Variants in GRIA4 observed in about 807,000 individuals in gnomAD.
The protein encoded by GRIA4 is glutamate ionotropic receptor AMPA type subunit 4, also known as glutamate receptor 4.
GRIA4 carries 34 observed loss-of-function variants against 104.0 expected under a neutral mutation model. That is an observed-to-expected ratio of 0.33 (90% CI 0.25 to 0.44). GRIA4 has a LOEUF of 0.44. Ranked by LOEUF, GRIA4 falls within the 20% of genes least tolerant of loss-of-function variation. The pLI is 1.00. For synonymous variants in GRIA4, 386 were observed against 381.9 expected, an observed-to-expected ratio of 1.01 and a Z score of -0.13; for missense variants, 750 against 1,096.5, an observed-to-expected ratio of 0.68 and a Z score of 4.46.
At chr11:105,939,036 G>A (rs781376694) in intron 14 of GRIA4, among the ~76,000 whole-genome samples, 26 of 151,984 alleles carry the variant, frequency 1.7e-4, no homozygotes, top group Non-Finnish European at 2.5e-4. Flanking sequence ...GGAAACAAAC[G>A]TTGCTTTTTT....
intron 3 of GRIA4, among the ~76,000 whole-genome samples, chr11:105,618,264 A>G (rs1020800959): frequency 2.0e-5 from 3 of 152,066 alleles, no homozygotes; most frequent in Non-Finnish European, 2.9e-5. Context: ...CAATAATGAC[A>G]TTAGCAAACT....
In GRIA4 at chr11:105,933,815, C is replaced by T. The variant is rs1947953964; in HGVS notation, c.2140C>T (p.Arg714Cys). Reference protein sequence around the residue: ...FTRTTAEGVARVRKSKGKFAF... With the variant: ...FTRTTAEGVACVRKSKGKFAF... ...TAGGACTACAGCTGAGGGAGTAGCT[C>T]GTGTCCGCAAATCCAAGGGCAAATT... The change falls in exon 14 of 17, where the codon CGT becomes TGT. Residue 714 changes from arginine to cysteine, a missense_variant. Physicochemically the swap from Arg to Cys is radical, Grantham distance 180. This residue lies in a region of GRIA4 where 272 missense variants were observed against 524.5 expected (regional missense o/e 0.52). Coordinates refer to ENST00000282499, the MANE Select transcript of GRIA4 (RefSeq NM_000829.4). 3 of 1,613,190 alleles carry T rather than the reference C, an allele frequency of 1.9e-6. No homozygotes were observed. Among genetic ancestry groups the T allele is most frequent in the Non-Finnish European group, 2.5e-6 (3 of 1,179,394 alleles).
chr11:105,685,678 A>G (rs947260904), intron 3 of GRIA4, among the ~76,000 whole-genome samples: 5 of 152,198 alleles, frequency 3.3e-5, no homozygotes, highest in African/African-American at 1.2e-4. Context: ...TACAGAATGG[A>G]AGTAGGATGG....
chr11:105,892,942 A>C (rs1302934326), intron 6 of GRIA4, among the ~76,000 whole-genome samples: 1 of 152,214 alleles, frequency 6.6e-6, no homozygotes, highest in African/African-American at 2.4e-5. Flanking sequence ...GAACTTAAAG[A>C]ATAAGCATTT....
At chr11:105,799,507 G>A (rs1942627371) in intron 4 of GRIA4, among the ~76,000 whole-genome samples, 1 of 152,076 alleles carries the variant, frequency 6.6e-6, no homozygotes, top group Admixed American at 6.6e-5. Context: ...GGAGACAGAG[G>A]AGAGACTATC....
At chr11:105,809,907 C>T (rs1472935050) in intron 4 of GRIA4, among the ~76,000 whole-genome samples, 1 of 152,108 alleles carries the variant, frequency 6.6e-6, no homozygotes, top group Non-Finnish European at 1.5e-5. Flanking sequence ...CTCCTCACTA[C>T]TCTTCCAAGC....
chr11:105,682,857 C>A (rs2135469955), intron 3 of GRIA4, among the ~76,000 whole-genome samples: 1 of 152,230 alleles, frequency 6.6e-6, no homozygotes, highest in South Asian at 2.1e-4. Flanking sequence ...TAGCAAAAAC[C>A]ATATGCTTGA....
At chr11:105,610,848 T>C (rs1335742191) in intron 1 of GRIA4, 60 bp from the exon 2 acceptor site, 2 of 551,904 alleles carry the variant, frequency 3.6e-6, no homozygotes, top group Admixed American at 3.7e-5. Flanking sequence ...CTTTCCTTTT[T>C]TTTCTTTCTT....
intron 3 of GRIA4, among the ~76,000 whole-genome samples, chr11:105,730,654 A>G (rs1209053567): frequency 6.6e-6 from 1 of 152,224 alleles, no homozygotes; most frequent in Non-Finnish European, 1.5e-5. Context: ...TAACCAAAAC[A>G]GCATGGTACA....
chr11:105,731,837 T>A (rs1591159325), intron 3 of GRIA4, among the ~76,000 whole-genome samples: 1 of 150,260 alleles, frequency 6.7e-6, no homozygotes, highest in Non-Finnish European at 1.5e-5. Flanking sequence ...TAAAAACATA[T>A]GGGCACAGGG....
At chr11:105,610,881 T>A (rs1327038049) in intron 1 of GRIA4, 27 bp from the exon 2 acceptor site, 7 of 475,542 alleles carry the variant, frequency 1.5e-5, no homozygotes, top group Non-Finnish European at 2.6e-5. Context: ...TTTTTTTTTT[T>A]TTTTTTTTGG....
At chr11:105,612,204 G>T (rs1950499350) in intron 2 of GRIA4, 72 bp from the exon 3 acceptor site, 1 of 1,388,114 alleles carries the variant, frequency 7.2e-7, no homozygotes, top group Non-Finnish European at 1.0e-6. Context: ...CAGTAGATTT[G>T]ACTGTGCTTG....
At chr11:105,673,069 C>T (rs952594777) in intron 3 of GRIA4, among the ~76,000 whole-genome samples, 1 of 152,108 alleles carries the variant, frequency 6.6e-6, no homozygotes, top group Non-Finnish European at 1.5e-5. Context: ...ACTCTAAACT[C>T]CAGATGTGGC....
In GRIA4 at chr11:105,714,773, G is replaced by A. The variant is rs1000990817; in HGVS notation, c.248-38208G>A. Reference sequence around the variant, plus strand: ...CAGAATAATTATTTGATCTTTAGCCGTTTTAGGTCTTCAGTTGGGACAGAC... The same window carrying A: ...CAGAATAATTATTTGATCTTTAGCCATTTTAGGTCTTCAGTTGGGACAGAC... On this transcript the variant is annotated intron_variant, in intron 3 of 16. Coordinates refer to ENST00000282499, the MANE Select transcript of GRIA4 (RefSeq NM_000829.4). Among the ~76,000 whole-genome samples the A allele has an allele frequency of 1.4e-4, 21 of 152,058 alleles. No individual in the cohort carries two copies. The East Asian group carries it at 1.9e-3, about 14-fold the overall frequency.
intron 3 of GRIA4, among the ~76,000 whole-genome samples, chr11:105,618,568 TA>T (rs1950659545): frequency 6.6e-6 from 1 of 151,722 alleles, no homozygotes; most frequent in Non-Finnish European, 1.5e-5. Context: ...AGATAGTGAG[TA>T]AAGAAGCAAC....
intron 4 of GRIA4, among the ~76,000 whole-genome samples, chr11:105,793,724 TA>T (rs550504173): frequency 2.0e-5 from 3 of 152,126 alleles, no homozygotes; most frequent in Admixed American, 2.0e-4. Flanking sequence ...ACATAGAGCT[TA>T]GGGGAAGGAA....
In GRIA4 at chr11:105,924,533, T is replaced by C; in HGVS notation, c.1611T>C (p.Phe537=). ...CTCAGAAATCCAAACCAGGAGTGTT[T>C]TCCTTCTTGGATCCTCTGGCCTATG... ...KKPQKSKPGV[F]SFLDPLAYEI... Residue 537 remains phenylalanine (F), a synonymous_variant, in exon 12 of 17, where the codon TTT becomes TTC. Coordinates refer to ENST00000282499, the MANE Select transcript of GRIA4 (RefSeq NM_000829.4). 1 of 1,613,404 alleles carries C rather than the reference T, an allele frequency of 6.2e-7. No individual in the cohort carries two copies. The highest frequency in any genetic ancestry group is 8.5e-7 in the Non-Finnish European group (1 of 1,179,490).
chr11:105,629,816 T>C (rs905658444), intron 3 of GRIA4, among the ~76,000 whole-genome samples: 3 of 152,226 alleles, frequency 2.0e-5, no homozygotes, highest in African/African-American at 7.2e-5. Context: ...CACTTGGTAA[T>C]TGCCATGTTT....
chr11:105,975,917 T>C (rs1239425721), intron 16 of GRIA4, among the ~76,000 whole-genome samples: 1 of 152,108 alleles, frequency 6.6e-6, no homozygotes. Flanking sequence ...AAAACGATTC[T>C]TTCCAAATTT....
Sources: gnomAD v4.1 joint callset for allele counts (sites outside exome capture counted in the v4.1 genomes callset) on GRCh38, gnomAD v4.1.1 for gene constraint, gnomAD v4.1.1 regional missense constraint, MANE v1.5 for transcripts, NCBI Gene and HGNC (gene_info 2026-07-23, HGNC 2026-07-21) for gene names.